GET1: variants seen among roughly 807,000 people sequenced by gnomAD.
GET1 encodes congenital heart disease 5 protein.
A neutral mutation model predicts 22.6 loss-of-function variants in GET1; 20 were observed. The observed-to-expected ratio is 0.89, with a 90% CI of 0.62 to 1.29. The LOEUF is 1.29. GET1 is among the 50% of genes most tolerant of loss of function. The pLI is 0.00. For synonymous variants in GET1, 92 were observed against 83.8 expected (o/e 1.10, Z -0.53); for missense variants, 209 against 219.9 (o/e 0.95, Z 0.31).
downstream of GET1, among the ~76,000 whole-genome samples, chr21:39,399,911 A>AT (rs36083258): frequency 4.1e-4 from 59 of 144,586 alleles, no homozygotes; most frequent in South Asian, 6.6e-4. Flanking sequence ...TCTTTTTTTA[A>AT]TTTTTTTTTT....
intron 3 of GET1, among the ~76,000 whole-genome samples, chr21:39,392,683 G>A (rs935665282): frequency 1.6e-4 from 24 of 152,254 alleles, no homozygotes; most frequent in South Asian, 6.2e-4. Context: ...TCACCTCTGC[G>A]TCCCTTGCTA....
At chr21:39,411,834 A>G (rs1356114354) in intron 1 of GET1, 13 of 1,266,188 alleles carry the variant, frequency 1.0e-5, no homozygotes, top group Non-Finnish European at 1.5e-5. Context: ...ATTTTTCTAT[A>G]AATGCTTGCT....
intron 1 of GET1, among the ~76,000 whole-genome samples, chr21:39,413,633 ATC>A (rs1222267637): frequency 6.6e-6 from 1 of 152,214 alleles, no homozygotes; most frequent in Non-Finnish European, 1.5e-5. Flanking sequence ...TTAACAGTTC[ATC>A]TCTCTTTTCT....
At position 39,390,741 on chromosome 21, in the gene GET1, T is replaced by C. The variant is rs1569037096; in HGVS notation, c.146T>C (p.Met49Thr). 1.2e-6 allele frequency: 2 copies of C among 1,614,006 alleles called. No homozygotes were observed. Among genetic ancestry groups the C allele is most frequent in the Admixed American group, 3.3e-5 (2 of 59,998 alleles). The change falls in exon 2 of 5, where the codon ATG (methionine) becomes ACG (threonine). Residue 49 changes from methionine to threonine, a missense_variant. Coordinates refer to ENST00000649170, the MANE Select transcript of GET1 (RefSeq NM_004627.6). Reference protein sequence around the residue: ...LQKDAEQESQMRAEIQDMKQE... With the variant: ...LQKDAEQESQTRAEIQDMKQE... The stretch of plus-strand genomic sequence containing the variant: ...AAGGACGCGGAGCAGGAGTCACAGA[T>C]GAGAGCGGAGATCCAGGACATGAAG...
rs893320061 is a variant in GET1 at position 39,387,697 on chromosome 21, C to CCG, written c.103-3000_103-2999insGC. On this transcript the variant is annotated intron_variant, in intron 1 of 4. Coordinates refer to ENST00000649170, the MANE Select transcript of GET1 (RefSeq NM_004627.6). ...CCCCCCCTACTCCCCACACTCCCCC[C>CCG]CCCCACTTTTGCCTCATCACGCAGG... 3.9e-6 allele frequency: 3 copies of CCG among 767,660 alleles called. No individual in the cohort carries two copies. The African/African-American group carries it at 5.8e-5, about 15-fold the overall frequency. 47.6% of individuals were successfully genotyped at this position (767,660 alleles called of 1,614,324 possible). A position where few individuals can be genotyped will look rare whatever the true frequency, so the allele number is the denominator to read the frequency against.
At chr21:39,404,352 C>T (rs1034273882) in intron 4 of GET1, among the ~76,000 whole-genome samples, 31 of 152,286 alleles carry the variant, frequency 2.0e-4, no homozygotes, top group African/African-American at 7.2e-4. Flanking sequence ...CAACAAATCT[C>T]AATAAATGAT....
intron 1 of GET1, among the ~76,000 whole-genome samples, chr21:39,390,069 G>A (rs984937184): frequency 2.2e-5 from 3 of 137,404 alleles, no homozygotes; most frequent in Middle Eastern, 3.9e-3. Flanking sequence ...TTTTGTGGTC[G>A]TTATAGGGAG....
chr21:39,380,337 C>A lies in GET1; in HGVS notation c.-48C>A. On this transcript the variant is annotated 5_prime_UTR_variant, in exon 1 of 5. Transcript: ENST00000649170. ...GCGCGGTCGCCGCTGTTGTTGTGGTCCCCATGGAGCTGCCGTAGCGGACCC... is the reference window on the plus strand; with the variant it reads ...GCGCGGTCGCCGCTGTTGTTGTGGTACCCATGGAGCTGCCGTAGCGGACCC... The A allele has an allele frequency of 6.4e-7, 1 of 1,556,806 alleles. No homozygotes were observed. Among genetic ancestry groups the A allele is most frequent in the Non-Finnish European group, 8.7e-7 (1 of 1,150,302 alleles).
At chr21:39,384,377 C>G (rs1347248960) in intron 1 of GET1, among the ~76,000 whole-genome samples, 1 of 151,990 alleles carries the variant, frequency 6.6e-6, no homozygotes, top group Non-Finnish European at 1.5e-5. Flanking sequence ...CTGCCTTAGC[C>G]TCCCGAGTAG....
At chr21:39,402,248 CGT>C (rs2038858566), downstream of GET1, among the ~76,000 whole-genome samples, 1 of 152,042 alleles carries the variant, frequency 6.6e-6, no homozygotes, top group Non-Finnish European at 1.5e-5. Flanking sequence ...GGATTACAGG[CGT>C]GCACGACCAC....
intron 4 of GET1, among the ~76,000 whole-genome samples, chr21:39,395,661 G>T (rs1373465894): frequency 5.3e-5 from 8 of 152,192 alleles, no homozygotes; most frequent in Non-Finnish European, 1.2e-4. Flanking sequence ...ACTGTGCCTG[G>T]CCAGGAATGG....
chr21:39,426,014 T>G (rs1448845461), intron 1 of GET1: 1 of 152,302 alleles, frequency 6.6e-6, no homozygotes, highest in African/African-American at 2.4e-5. Flanking sequence ...TTAAAGATCA[T>G]ATGGCTTGGA....
Position 39,390,753 on chromosome 21 carries a change from T to C in GET1, c.158T>C (p.Ile53Thr). 1 of 1,614,002 alleles carries C rather than the reference T, an allele frequency of 6.2e-7. No homozygotes were observed. The highest frequency in any genetic ancestry group is 2.2e-5 in the East Asian group (1 of 44,866). ...AEQESQMRAEIQDMKQELSTV... is the reference protein window; with the variant it reads ...AEQESQMRAETQDMKQELSTV... ...CAGGAGTCACAGATGAGAGCGGAGA[T>C]CCAGGACATGAAGCAGGAGCTCTCC... Residue 53 changes from isoleucine to threonine, a missense_variant, in exon 2 of 5, where the codon ATC becomes ACC. Ile to Thr is a moderately conservative substitution (Grantham distance 89, BLOSUM62 -1). Transcript: ENST00000649170.
At chr21:39,393,061 C>A in intron 3 of GET1, 105 bp from the exon 4 acceptor site, 2 of 933,328 alleles carry the variant, frequency 2.1e-6, no homozygotes, top group Non-Finnish European at 3.3e-6. Flanking sequence ...GGTGCTCAGT[C>A]TGGAGAGTTT....
intron 1 of GET1, chr21:39,423,464 T>G: frequency 6.4e-7 from 1 of 1,566,932 alleles, no homozygotes; most frequent in Non-Finnish European, 8.6e-7. Context: ...CAGGTGTGCT[T>G]TTTTTCAACT....
At chr21:39,403,140 G>A (rs1009827466) in intron 4 of GET1, among the ~76,000 whole-genome samples, 5 of 152,020 alleles carry the variant, frequency 3.3e-5, no homozygotes, top group African/African-American at 4.8e-5. Context: ...ACATTTCTCC[G>A]GAATTGAGGC....
intron 1 of GET1, chr21:39,423,054 GTT>G: frequency 6.2e-7 from 1 of 1,613,990 alleles, no homozygotes; most frequent in Non-Finnish European, 8.5e-7. Flanking sequence ...TTTCTGCAAG[GTT>G]TTTGTCTTCA....
exon 5 of GET1, chr21:39,405,947 C>G (rs188814692): frequency 6.2e-6 from 10 of 1,613,628 alleles, no homozygotes; most frequent in Middle Eastern, 3.3e-4. Flanking sequence ...ACCACAGTTA[C>G]TTTAGAGTCT....
At chr21:39,400,802 A>G (rs1354483832), downstream of GET1, among the ~76,000 whole-genome samples, 1 of 152,186 alleles carries the variant, frequency 6.6e-6, no homozygotes, top group East Asian at 1.9e-4. Context: ...AGTGAATTCA[A>G]TCATAAATAG....
Sources: allele counts gnomAD v4.1 joint callset (sites outside exome capture counted in the v4.1 genomes callset), GRCh38; gene constraint gnomAD v4.1.1; transcripts MANE v1.5; gene names NCBI Gene and HGNC (gene_info 2026-07-23, HGNC 2026-07-21).